Variants in RUNX1T1 observed in about 807,000 individuals in gnomAD.
RUNX1T1 encodes protein CBFA2T1.
RUNX1T1 carries 4 observed loss-of-function variants against 62.8 expected under a neutral mutation model. The ratio of observed to expected loss-of-function variants is 0.06; its 90% CI spans 0.03 to 0.15. The LOEUF (loss-of-function observed/expected upper bound fraction) is 0.15, where lower values mean the gene tolerates loss of function less well. RUNX1T1 is among the 10% of genes least tolerant of loss of function. The pLI, the probability that RUNX1T1 is intolerant of heterozygous loss-of-function variation, is 1.00. For missense variants in RUNX1T1, 508 were observed against 754.3 expected (o/e 0.67, Z 3.82); for synonymous variants, 291 against 286.0 (o/e 1.02, Z -0.18).
intron 9 of RUNX1T1, among the ~76,000 whole-genome samples, chr8:91,975,246 G>A (rs1439461791): frequency 6.6e-6 from 1 of 152,188 alleles, no homozygotes; most frequent in Non-Finnish European, 1.5e-5. Context: ...AAGTCAGTGG[G>A]TCATGAGGAG....
At chr8:92,070,299 T>C (rs1025817901) in intron 2 of RUNX1T1, among the ~76,000 whole-genome samples, 5 of 152,358 alleles carry the variant, frequency 3.3e-5, no homozygotes, top group Non-Finnish European at 4.4e-5. Flanking sequence ...CAAGAGTTTG[T>C]TGGTGGAGGA....
At chr8:92,056,442 T>C (rs1831048869) in intron 1 of RUNX1T1, among the ~76,000 whole-genome samples, 1 of 152,176 alleles carries the variant, frequency 6.6e-6, no homozygotes, top group Non-Finnish European at 1.5e-5. Context: ...TTTTCTTCCA[T>C]GAGTGTCAAG....
chr8:92,063,107 A>G (rs1832340418), upstream of RUNX1T1: 1 of 327,136 alleles, frequency 3.1e-6, no homozygotes, highest in Admixed American at 5.7e-5. Flanking sequence ...GTATTAAAAA[A>G]AAAAAGGTAC....
chr8:92,003,076 G>T (rs1201012637), intron 5 of RUNX1T1, among the ~76,000 whole-genome samples: 1 of 152,104 alleles, frequency 6.6e-6, no homozygotes, highest in African/African-American at 2.4e-5. Context: ...ATTTGATAAA[G>T]AATGTTCCAT....
chr8:92,046,991 T>C (rs1231732623), intron 1 of RUNX1T1, among the ~76,000 whole-genome samples: 4 of 152,202 alleles, frequency 2.6e-5, no homozygotes, highest in South Asian at 2.1e-4. Context: ...TCTGATTTTA[T>C]GACATTATGC....
chr8:91,959,412 T>TTGTGTGTGTGTGTGTGTGTGTG (rs56037232), exon 11 of RUNX1T1: 4 of 135,856 alleles, frequency 2.9e-5, no homozygotes, highest in Admixed American at 1.9e-4. Context: ...AGTCTCTTAC[T>TTGTGTGTGTGTGTGTGTGTGTG]TGTGTGTGTG....
chr8:91,966,086 C>G (rs561842232), intron 10 of RUNX1T1, among the ~76,000 whole-genome samples: 1 of 148,680 alleles, frequency 6.7e-6, no homozygotes, highest in Admixed American at 6.7e-5. Context: ...TGAACATCTA[C>G]GGAATCAAAC....
intron 5 of RUNX1T1, among the ~76,000 whole-genome samples, chr8:91,992,335 T>A (rs1168992303): frequency 6.6e-6 from 1 of 152,190 alleles, no homozygotes; most frequent in Admixed American, 6.5e-5. Context: ...CTGACTTCTG[T>A]GTCAGAGAAT....
At chr8:91,992,311 A>G (rs1395911161) in intron 5 of RUNX1T1, among the ~76,000 whole-genome samples, 1 of 152,230 alleles carries the variant, frequency 6.6e-6, no homozygotes, top group Non-Finnish European at 1.5e-5. Flanking sequence ...AGGTACACCT[A>G]TTCCACTTGG....
In RUNX1T1 at chr8:91,959,412, TTGTGTGTGTGTGTGTGTGTGTG is replaced by T. The variant is rs56037232; in HGVS notation, c.*808_*829del. ...ATTAACTGCAGGCTGAGTCTCTTAC[TTGTGTGTGTGTGTGTGTGTGTG>T]TGTGTGTGTGTGTGTGTGTGTGTGT... On this transcript the variant is annotated 3_prime_UTR_variant, in exon 11 of 11. Coordinates refer to ENST00000396218, the Ensembl canonical transcript of RUNX1T1. 139 of 139,460 alleles carry T rather than the reference TTGTGTGTGTGTGTGTGTGTGTG, an allele frequency of 1.0e-3. 2 individuals are homozygous for T. The highest frequency in any genetic ancestry group is 1.8e-3 in the African/African-American group (37 of 21,084). The allele number at this position is 139,460 out of a possible 1,614,324, so 8.6% of individuals were successfully genotyped here.
intron 2 of RUNX1T1, among the ~76,000 whole-genome samples, chr8:92,015,670 G>T (rs961841226): frequency 6.6e-6 from 1 of 152,144 alleles, no homozygotes; most frequent in Non-Finnish European, 1.5e-5. Context: ...TAAAGAAAAT[G>T]TTGATTTTAT....
At chr8:92,042,953 C>T (rs967165139) in intron 1 of RUNX1T1, among the ~76,000 whole-genome samples, 1 of 152,164 alleles carries the variant, frequency 6.6e-6, no homozygotes, top group Admixed American at 6.5e-5. Context: ...AAAACAACCA[C>T]ATTTTTATTC....
chr8:91,977,134 T>G (rs1244877140), intron 8 of RUNX1T1: 1 of 196,514 alleles, frequency 5.1e-6, no homozygotes, highest in Non-Finnish European at 1.1e-5. Context: ...TACATTTGAA[T>G]GCTTTGAATT....
At chr8:92,061,147 A>G (rs921515487) in intron 1 of RUNX1T1, among the ~76,000 whole-genome samples, 1 of 152,360 alleles carries the variant, frequency 6.6e-6, no homozygotes, top group East Asian at 1.9e-4. Context: ...ACCTATTATA[A>G]TTCACAAATG....
chr8:92,017,013 G>C (rs1482998276), intron 2 of RUNX1T1, among the ~76,000 whole-genome samples: 1 of 152,170 alleles, frequency 6.6e-6, no homozygotes, highest in African/African-American at 2.4e-5. Context: ...ATAATGAAAA[G>C]GAAGGCAAAT....
Position 92,095,197 on chromosome 8 carries a change from T to C in RUNX1T1, c.-86+4383A>G. Reference sequence around the variant, plus strand: ...CTAAGAGGAGCGACAGATAACATGTTACATCTTCACTTCTCCTGGTCTTAT... The same window carrying C: ...CTAAGAGGAGCGACAGATAACATGTCACATCTTCACTTCTCCTGGTCTTAT... On this transcript the variant is annotated intron_variant, in intron 1 of 11. Transcript: ENST00000265814. 2.6e-6 allele frequency: 4 copies of C among 1,535,024 alleles called. No homozygotes were observed. The South Asian group carries it at 3.6e-5, about 14-fold the overall frequency.
At chr8:92,057,624 G>C (rs1479924573) in intron 1 of RUNX1T1, among the ~76,000 whole-genome samples, 4 of 152,140 alleles carry the variant, frequency 2.6e-5, no homozygotes, top group Non-Finnish European at 4.4e-5. Context: ...TGATTCCTTT[G>C]ATTGGAACTC....
intron 1 of RUNX1T1, among the ~76,000 whole-genome samples, chr8:92,020,687 G>A (rs1823909529): frequency 6.6e-6 from 1 of 152,082 alleles, no homozygotes; most frequent in African/African-American, 2.4e-5. Flanking sequence ...TCTCTCACAT[G>A]GCAAATATCC....
downstream of RUNX1T1, chr8:91,956,085 A>G: frequency 8.7e-6 from 2 of 230,284 alleles, no homozygotes; most frequent in Non-Finnish European, 8.6e-6. Context: ...CAACCTGACA[A>G]GAGTCAGAGC....
Sources: allele counts gnomAD v4.1 joint callset (sites outside exome capture counted in the v4.1 genomes callset), GRCh38; gene constraint gnomAD v4.1.1; transcripts MANE v1.5; gene names NCBI Gene and HGNC (gene_info 2026-07-23, HGNC 2026-07-21).